Variants in DPF2 observed in about 807,000 individuals in gnomAD.
DPF2 encodes zinc finger protein ubi-d4.
A neutral mutation model predicts 59.6 loss-of-function variants in DPF2; 10 were observed. The ratio of observed to expected loss-of-function variants is 0.17; its 90% CI spans 0.10 to 0.28. The LOEUF (loss-of-function observed/expected upper bound fraction) is 0.28, where lower values mean the gene tolerates loss of function less well. Ranked by LOEUF, DPF2 falls within the 10% of genes least tolerant of loss-of-function variation. DPF2 has a pLI of 1.00. For synonymous variants in DPF2, 189 were observed against 190.6 expected, an observed-to-expected ratio of 0.99 and a Z score of 0.07; for missense variants, 315 against 509.4, an observed-to-expected ratio of 0.62 and a Z score of 3.67.
chr11:65,337,471 AAAAATATATAT>A (rs1854204335), intron 1 of DPF2, among the ~76,000 whole-genome samples: 1 of 49,888 alleles, frequency 2.0e-5, no homozygotes, highest in African/African-American at 7.5e-5. Context: ...AAAAAAAAAA[AAAAATATATAT>A]ATATATATAT....
At position 65,352,784 on chromosome 11, in the gene DPF2, C is replaced by G. The variant is rs1427773684; in HGVS notation, c.*1025C>G. On this transcript the variant is annotated 3_prime_UTR_variant, in exon 11 of 11. Transcript: ENST00000528416. ...CTGGTAAGGTCTTCACACCCTGATT[C>G]CTCAAGTTTTCTGCTTAGTGGCACT... is the stretch of plus-strand genomic sequence containing the variant. The G allele has an allele frequency of 6.6e-6, 1 of 152,578 alleles. No individual in the cohort carries two copies. Among genetic ancestry groups the G allele is most frequent in the Non-Finnish European group, 1.5e-5 (1 of 68,064 alleles). The allele number at this position is 152,578 out of a possible 1,614,324, so 9.5% of individuals were successfully genotyped here. A position where few individuals can be genotyped will look rare whatever the true frequency, so the allele number is the denominator to read the frequency against.
At chr11:65,343,421 C>T (rs1462670184) in intron 4 of DPF2, 2 of 323,090 alleles carry the variant, frequency 6.2e-6, no homozygotes, top group Non-Finnish European at 1.1e-5. Context: ...CCAGGGTGGC[C>T]AATCAGAGGC....
intron 9 of DPF2, chr11:65,348,154 C>CA (rs1371008545): frequency 6.6e-6 from 1 of 151,998 alleles, no homozygotes; most frequent in African/African-American, 2.4e-5. Flanking sequence ...GGTGTGGTGG[C>CA]ACACACGTTA....
chr11:65,351,806 C>A lies in DPF2; in HGVS notation c.*47C>A. ...CGACATATCTAAGGCTGTTTCTCTCCTCCACTTCATATTTCATACCCATCT... is the reference window on the plus strand; with the variant it reads ...CGACATATCTAAGGCTGTTTCTCTCATCCACTTCATATTTCATACCCATCT... On this transcript the variant is annotated 3_prime_UTR_variant, in exon 11 of 11. Coordinates refer to ENST00000528416, the MANE Select transcript of DPF2 (RefSeq NM_006268.5). The A allele has an allele frequency of 1.3e-6, 2 of 1,569,430 alleles. No individual in the cohort carries two copies. The highest frequency in any genetic ancestry group is 1.8e-6 in the Non-Finnish European group (2 of 1,141,158).
rs149073109 is a variant in DPF2, at chr11:65,345,936, A to C, written c.782A>C (p.Lys261Thr). The change falls in exon 8 of 11, where the codon AAG becomes ACG. Residue 261 changes from lysine (K) to threonine (T), a missense_variant. By Grantham distance (78) the Lys-to-Thr change is moderately conservative. Transcript: ENST00000528416. ...AAACTCTTTCTCTCTGTAGCCAAAAAGGGTCCTGATGGATTGGCCTTGCCC... is the reference window on the plus strand; with the variant it reads ...AAACTCTTTCTCTCTGTAGCCAAAACGGGTCCTGATGGATTGGCCTTGCCC... ...SQRSEEQKSK[K>T]GPDGLALPNN... 3.7e-6 allele frequency: 6 copies of C among 1,614,014 alleles called. No individual in the cohort carries two copies. The Admixed American group carries it at 5.0e-5, about 13-fold the overall frequency.
chr11:65,345,781 C>T lies in DPF2; in HGVS notation c.753C>T (p.Ser251=). The T allele has an allele frequency of 4.3e-6, 7 of 1,614,044 alleles. No homozygotes were observed. Among genetic ancestry groups the T allele is most frequent in the Non-Finnish European group, 5.9e-6 (7 of 1,180,018 alleles). Residue 251 remains serine, a synonymous_variant, in exon 7 of 11, where the codon TCC becomes TCT. Transcript: ENST00000528416. ...ACTCTCAACCACCCACTCCTGTTTC[C>T]CAGAGGTCTGAGGAGCAGAAATGTA... ...KEDSQPPTPV[S]QRSEEQKSKK... is the part of the protein sequence containing the mutation.
intron 1 of DPF2, among the ~76,000 whole-genome samples, chr11:65,339,849 A>G: frequency 6.6e-6 from 1 of 152,244 alleles, no homozygotes; most frequent in Non-Finnish European, 1.5e-5. Context: ...ATGGCTAAGT[A>G]GAATTTCATT....
At chr11:65,347,087 T>G (rs1484075231) in intron 9 of DPF2, 3 of 149,548 alleles carry the variant, frequency 2.0e-5, no homozygotes, top group Admixed American at 6.7e-5. Flanking sequence ...CAATCTCAGC[T>G]CACTGCAACC....
intron 6 of DPF2, chr11:65,344,776 C>T (rs1020592730): frequency 1.1e-5 from 9 of 802,742 alleles, no homozygotes; most frequent in Non-Finnish European, 1.8e-5. Flanking sequence ...TGCTCTACTC[C>T]TCAAAGTCCT....
chr11:65,346,371 CG>C lies in DPF2; in HGVS notation c.1017+13del. 2 of 1,607,766 alleles carry C rather than the reference CG, an allele frequency of 1.2e-6. No individual in the cohort carries two copies. The highest frequency in any genetic ancestry group is 1.7e-5 in the Admixed American group (1 of 59,836). ...CCTCCGAGAATGACGTGTGTATCCCCGCCCCCTCCTCAGCATGGCTCCTTCT... is the reference window on the plus strand; with the variant it reads ...CCTCCGAGAATGACGTGTGTATCCCCCCCCCTCCTCAGCATGGCTCCTTCT... On this transcript the variant is annotated intron_variant, in intron 9 of 10. Transcript: ENST00000528416.
chr11:65,337,891 G>A (rs1041939492), intron 1 of DPF2, among the ~76,000 whole-genome samples: 39 of 151,812 alleles, frequency 2.6e-4, no homozygotes, highest in Admixed American at 2.2e-3. Context: ...CGCAACCTCC[G>A]CCTCCCAGGT....
At position 65,352,918 on chromosome 11, in the gene DPF2, T is replaced by G. The variant is rs529375389; in HGVS notation, c.*1159T>G. 3 of 152,414 alleles carry G rather than the reference T, an allele frequency of 2.0e-5. No individual in the cohort carries two copies. The highest frequency in any genetic ancestry group is 2.1e-4 in the South Asian group (1 of 4,834). 9.4% of individuals were successfully genotyped at this position (152,414 alleles called of 1,614,324 possible). A position where few individuals can be genotyped will look rare whatever the true frequency, so the allele number is the denominator to read the frequency against. ...TGTCGCTTTGGAGTTGAGGTGTCTT[T>G]TTTTTTTCTTTCTTTAGTTCCTGTA... On this transcript the variant is annotated 3_prime_UTR_variant, in exon 11 of 11. Coordinates refer to ENST00000528416, the MANE Select transcript of DPF2 (RefSeq NM_006268.5).
intron 1 of DPF2, among the ~76,000 whole-genome samples, chr11:65,337,504 T>TAGAGAGAGAGAGAGAGAG (rs1188984367): frequency 1.4e-4 from 3 of 21,396 alleles, no homozygotes; most frequent in Non-Finnish European, 2.4e-4. Context: ...TATATATATA[T>TAGAGAGAGAGAGAGAGAG]AGAGAGAGAG....
chr11:65,343,915 G>A (rs1590934917), intron 5 of DPF2, 76 bp from the exon 6 acceptor site: 1 of 1,605,932 alleles, frequency 6.2e-7, no homozygotes, highest in Non-Finnish European at 8.5e-7. Flanking sequence ...AGTGAGATTA[G>A]CGGCCACTTC....
chr11:65,334,001 G>GCC, intron 1 of DPF2, 83 bp downstream of exon 1: 1 of 1,560,602 alleles, frequency 6.4e-7, no homozygotes, highest in African/African-American at 1.4e-5. Context: ...AAGGGACTAG[G>GCC]CGGAGAGAGG....
intron 9 of DPF2, chr11:65,346,592 G>A: frequency 2.2e-6 from 1 of 460,694 alleles, no homozygotes; most frequent in Non-Finnish European, 3.9e-6. Flanking sequence ...GACAAACAAG[G>A]TCCCTGCCTC....
At chr11:65,348,613 A>AG in intron 9 of DPF2, 1 of 219,592 alleles carries the variant, frequency 4.6e-6, no homozygotes, top group Non-Finnish European at 8.8e-6. Context: ...GCTTTAGGGA[A>AG]AAAAAAAAAA....
chr11:65,335,516 CAG>C (rs1025432672), intron 1 of DPF2, among the ~76,000 whole-genome samples: 11 of 152,304 alleles, frequency 7.2e-5, no homozygotes, highest in African/African-American at 2.6e-4. Context: ...CCCATTTAAA[CAG>C]AGCGTGACAT....
Position 65,344,013 on chromosome 11 carries a change from G to T in DPF2, c.581G>T (p.Arg194Leu), listed in dbSNP as rs780379193. The T allele has an allele frequency of 6.2e-7, 1 of 1,614,198 alleles. No homozygotes were observed. The highest frequency in any genetic ancestry group is 8.5e-7 in the Non-Finnish European group (1 of 1,180,024). The change falls in exon 6 of 11, where the codon CGT becomes CTT. Residue 194 changes from arginine to leucine, a missense_variant. Physicochemically the swap from Arg to Leu is moderately radical, Grantham distance 102. Transcript: ENST00000528416. Reference protein sequence around the residue: ...KSKGKGVGSARKKLDASILED... With the variant: ...KSKGKGVGSALKKLDASILED... ...CAGGGTAAGGGTGTGGGCAGTGCCC[G>T]TAAGAAGCTGGATGCTTCCATCCTG... is the stretch of plus-strand genomic sequence containing the variant.
Sources: allele counts gnomAD v4.1 joint callset (sites outside exome capture counted in the v4.1 genomes callset), GRCh38; gene constraint gnomAD v4.1.1; transcripts MANE v1.5; gene names NCBI Gene and HGNC (gene_info 2026-07-23, HGNC 2026-07-21).